Variants in TEAD1 observed in about 807,000 individuals in gnomAD.
TEAD1 encodes the protein transcriptional enhancer factor TEF-1.
TEAD1 carries 9 observed loss-of-function variants against 54.9 expected under a neutral mutation model. The observed-to-expected ratio is 0.16, with a 90% CI of 0.10 to 0.29. TEAD1 has a LOEUF of 0.29. Ranked by LOEUF, TEAD1 falls within the 10% of genes least tolerant of loss-of-function variation. The pLI, the probability that TEAD1 is intolerant of heterozygous loss-of-function variation, is 1.00. For synonymous variants in TEAD1, 200 were observed against 187.8 expected (o/e 1.07, Z -0.53); for missense variants, 387 against 535.9 (o/e 0.72, Z 2.74).
intron 3 of TEAD1, among the ~76,000 whole-genome samples, chr11:12,842,594 T>C (rs1947062990): frequency 6.6e-6 from 1 of 152,226 alleles, no homozygotes. Flanking sequence ...TGGGTCTTCA[T>C]GAGCTCCAGA....
At chr11:12,923,419 C>T (rs898874566) in intron 10 of TEAD1, among the ~76,000 whole-genome samples, 4 of 152,138 alleles carry the variant, frequency 2.6e-5, no homozygotes, top group Admixed American at 1.3e-4. Flanking sequence ...CGTGTCCCCC[C>T]GTACCTCTCT....
At chr11:12,789,557 T>C (rs1945751435) in intron 3 of TEAD1, among the ~76,000 whole-genome samples, 1 of 151,982 alleles carries the variant, frequency 6.6e-6, no homozygotes, top group African/African-American at 2.4e-5. Context: ...CAAGAAAGAG[T>C]TTGGCTCAGA....
At chr11:12,752,484 C>T (rs573780696) in intron 2 of TEAD1, among the ~76,000 whole-genome samples, 7 of 152,224 alleles carry the variant, frequency 4.6e-5, no homozygotes, top group South Asian at 2.1e-4. Context: ...AGATGAATTT[C>T]GTTAGTGTTT....
chr11:12,802,677 T>C (rs1946084025), intron 3 of TEAD1, among the ~76,000 whole-genome samples: 1 of 152,114 alleles, frequency 6.6e-6, no homozygotes, highest in South Asian at 2.1e-4. Context: ...AAACACACTT[T>C]TGTCATTTCT....
At chr11:12,904,702 T>C (rs1948487751) in intron 10 of TEAD1, 3 of 155,720 alleles carry the variant, frequency 1.9e-5, no homozygotes, top group Admixed American at 6.5e-5. Flanking sequence ...AGCTTATTAT[T>C]TCTTAAAATG....
chr11:12,912,694 A>C (rs547072275), intron 10 of TEAD1, among the ~76,000 whole-genome samples: 1 of 152,148 alleles, frequency 6.6e-6, no homozygotes, highest in African/African-American at 2.4e-5. Flanking sequence ...AAATGAGCAC[A>C]AGAGCTTACA....
intron 3 of TEAD1, among the ~76,000 whole-genome samples, chr11:12,780,330 G>A (rs1209130009): frequency 6.8e-6 from 1 of 148,078 alleles, no homozygotes; most frequent in African/African-American, 2.5e-5. Context: ...TACAACCTCC[G>A]CCTCCCAGGT....
chr11:12,882,909 T>C, intron 8 of TEAD1, 92 bp from the exon 9 acceptor site: 1 of 1,602,774 alleles, frequency 6.2e-7, no homozygotes, highest in Non-Finnish European at 8.5e-7. Flanking sequence ...GGCATTTCCT[T>C]CTGGGTCATC....
intron 2 of TEAD1, among the ~76,000 whole-genome samples, chr11:12,758,227 TGTTTTG>T: frequency 6.7e-6 from 1 of 150,188 alleles, no homozygotes; most frequent in African/African-American, 2.5e-5. Context: ...ACTAAGTTTT[TGTTTTG>T]TTTTTTTTTT....
intron 3 of TEAD1, among the ~76,000 whole-genome samples, chr11:12,814,488 C>A (rs1946373476): frequency 6.6e-6 from 1 of 152,132 alleles, no homozygotes; most frequent in African/African-American, 2.4e-5. Context: ...TGTTGCTGGG[C>A]AAGGGAAGGC....
chr11:12,929,500 G>A (rs184032131), intron 11 of TEAD1, among the ~76,000 whole-genome samples: 16 of 151,580 alleles, frequency 1.1e-4, no homozygotes, highest in Admixed American at 9.2e-4. Flanking sequence ...AGACATATGA[G>A]GCTACTTCAT....
chr11:12,837,695 C>A (rs11603086), intron 3 of TEAD1, among the ~76,000 whole-genome samples: 1 of 150,346 alleles, frequency 6.7e-6, no homozygotes, highest in African/African-American at 2.4e-5. Context: ...TCCCTTCTCC[C>A]TTCTCCCTTC....
intron 12 of TEAD1, among the ~76,000 whole-genome samples, chr11:12,933,863 G>A (rs1355521547): frequency 3.3e-5 from 5 of 152,264 alleles, no homozygotes; most frequent in South Asian, 2.1e-4. Context: ...TTAGAATGGC[G>A]ATCATTAAAA....
chr11:12,912,602 A>G (rs7113616), intron 10 of TEAD1, among the ~76,000 whole-genome samples: 145,971 of 152,034 alleles, frequency 0.96, 70,355 homozygotes, highest in East Asian at 1. Flanking sequence ...CATTCACTTC[A>G]AAAGACCATA....
rs1276045081 is a variant in TEAD1, at chr11:12,746,420, G to A, written c.-54-17759G>A. Among the ~76,000 whole-genome samples, 3 of 152,086 alleles carry A rather than the reference G, an allele frequency of 2.0e-5. No homozygotes were observed. In the South Asian group the frequency reaches 6.2e-4, roughly 32 times the overall value. On this transcript the variant is annotated intron_variant, in intron 2 of 12. Coordinates refer to ENST00000527636, the MANE Select transcript of TEAD1 (RefSeq NM_021961.6). The stretch of plus-strand genomic sequence containing the variant: ...TTGACCCAAATCTGACTTATAAATG[G>A]TATTAAATAAGCAAACTAAAGAAAA...
chr11:12,721,481 A>G (rs182331167), intron 2 of TEAD1, among the ~76,000 whole-genome samples: 1 of 152,312 alleles, frequency 6.6e-6, no homozygotes, highest in Admixed American at 6.5e-5. Flanking sequence ...AGCTGACACT[A>G]TAGTGGGGAG....
intron 5 of TEAD1, chr11:12,865,327 T>C (rs1947595338): frequency 6.1e-6 from 1 of 163,776 alleles, no homozygotes; most frequent in Non-Finnish European, 1.3e-5. Flanking sequence ...AAAGTGGTCA[T>C]GAAATTACCT....
intron 2 of TEAD1, among the ~76,000 whole-genome samples, chr11:12,691,011 A>G (rs1943446269): frequency 6.6e-6 from 1 of 152,188 alleles, no homozygotes; most frequent in Non-Finnish European, 1.5e-5. Flanking sequence ...TCGGCTTCCC[A>G]AATTGCTGAG....
intron 4 of TEAD1, 191 bp from the exon 5 acceptor site, chr11:12,864,647 G>GTTTTGTTTTT: frequency 7.3e-7 from 1 of 1,366,322 alleles, no homozygotes; most frequent in South Asian, 1.5e-5. Context: ...GTTTTGTTTT[G>GTTTTGTTTTT]TTTTGTTTTG....
Sources: allele counts gnomAD v4.1 joint callset (sites outside exome capture counted in the v4.1 genomes callset), GRCh38; gene constraint gnomAD v4.1.1; transcripts MANE v1.5; gene names NCBI Gene and HGNC (gene_info 2026-07-23, HGNC 2026-07-21).